The following NPAS3 variants were observed in gnomAD, a reference collection of about 807,000 sequenced individuals.
NPAS3 encodes neuronal PAS domain protein 3.
Under a neutral mutation model 73.1 loss-of-function variants are expected in NPAS3, and 14 were observed. The ratio of observed to expected loss-of-function variants is 0.19; its 90% confidence interval spans 0.13 to 0.30. The LOEUF is 0.30. Among genes scored for constraint, NPAS3 ranks in the 10% least tolerant of loss-of-function variants. The pLI is 1.00. For missense variants in NPAS3, 1,096 were observed against 1,250.0 expected (o/e 0.88, Z 1.86); for synonymous variants, 620 against 541.5 (o/e 1.14, Z -2.01).
intron 5 of NPAS3, chr14:33,560,455 G>A (rs1456810894): frequency 5.8e-6 from 2 of 346,470 alleles, no homozygotes; most frequent in Non-Finnish European, 5.2e-6. Flanking sequence ...TTAATTTATC[G>A]AGAACAAATG....
At chr14:33,746,681 G>A (rs1384467724) in intron 7 of NPAS3, among the ~76,000 whole-genome samples, 3 of 152,046 alleles carry the variant, frequency 2.0e-5, no homozygotes, top group East Asian at 3.9e-4. Flanking sequence ...AGAAATTACC[G>A]AGAATTAGAA....
At chr14:32,959,192 T>C (rs556115055) in intron 1 of NPAS3, among the ~76,000 whole-genome samples, 5 of 152,352 alleles carry the variant, frequency 3.3e-5, no homozygotes, top group African/African-American at 1.2e-4. Flanking sequence ...TTGCTTATTT[T>C]GACTGATTTT....
intron 5 of NPAS3, among the ~76,000 whole-genome samples, chr14:33,622,775 T>G (rs552774217): frequency 2.6e-5 from 4 of 152,300 alleles, no homozygotes; most frequent in Non-Finnish European, 5.9e-5. Flanking sequence ...TCCATTTTCA[T>G]AGTTGAGAGT....
At chr14:33,101,402 C>A (rs944159886) in intron 2 of NPAS3, among the ~76,000 whole-genome samples, 1 of 151,958 alleles carries the variant, frequency 6.6e-6, no homozygotes, top group Non-Finnish European at 1.5e-5. Flanking sequence ...GTTCAGATGG[C>A]AACATATGAA....
chr14:32,943,504 G>A (rs1451005074), intron 1 of NPAS3, among the ~76,000 whole-genome samples: 1 of 152,062 alleles, frequency 6.6e-6, no homozygotes, highest in Admixed American at 6.6e-5. Flanking sequence ...ATCCTGGTCT[G>A]GGATTCAGTG....
intron 4 of NPAS3, among the ~76,000 whole-genome samples, chr14:33,527,679 C>T (rs567442807): frequency 3.9e-5 from 6 of 152,090 alleles, no homozygotes; most frequent in Non-Finnish European, 7.4e-5. Flanking sequence ...AGAATGGATC[C>T]CGCAGAAATC....
chr14:33,719,467 T>C (rs1229575242), intron 6 of NPAS3, among the ~76,000 whole-genome samples: 1 of 152,214 alleles, frequency 6.6e-6, no homozygotes, highest in African/African-American at 2.4e-5. Flanking sequence ...AGTTCATATA[T>C]TCCACTGTAA....
intron 5 of NPAS3, among the ~76,000 whole-genome samples, chr14:33,610,701 G>A (rs2057722749): frequency 6.6e-6 from 1 of 152,180 alleles, no homozygotes; most frequent in African/African-American, 2.4e-5. Context: ...TCCAAATCTT[G>A]GTTTGTTTCT....
chr14:33,352,434 T>C (rs531060002), intron 3 of NPAS3, among the ~76,000 whole-genome samples: 2 of 152,326 alleles, frequency 1.3e-5, no homozygotes, highest in African/African-American at 4.8e-5. Context: ...TTCTCACTAT[T>C]TACTAGGTAT....
intron 3 of NPAS3, among the ~76,000 whole-genome samples, chr14:33,249,367 T>G (rs1259622662): frequency 6.7e-6 from 1 of 148,962 alleles, no homozygotes; most frequent in Non-Finnish European, 1.5e-5. Context: ...TTTTTTTCTT[T>G]CCTAACAGTC....
intron 1 of NPAS3, among the ~76,000 whole-genome samples, chr14:32,982,642 ACTT>A (rs749828800): frequency 1.3e-5 from 2 of 152,228 alleles, no homozygotes; most frequent in Non-Finnish European, 2.9e-5. Flanking sequence ...ACTTGAGACA[ACTT>A]CTTCCTTCTC....
intron 3 of NPAS3, among the ~76,000 whole-genome samples, chr14:33,248,737 C>A (rs1048241189): frequency 6.6e-6 from 1 of 152,162 alleles, no homozygotes; most frequent in Admixed American, 6.5e-5. Flanking sequence ...ATAGCTTTGA[C>A]CTTCTTCCTC....
intron 3 of NPAS3, among the ~76,000 whole-genome samples, chr14:33,347,094 A>G (rs540179483): frequency 1.2e-4 from 19 of 152,286 alleles, no homozygotes; most frequent in African/African-American, 4.1e-4. Context: ...CAAAATTTCA[A>G]TTCTCTTGGT....
intron 3 of NPAS3, among the ~76,000 whole-genome samples, chr14:33,269,983 A>G (rs1343642097): frequency 6.6e-6 from 1 of 152,126 alleles, no homozygotes; most frequent in Non-Finnish European, 1.5e-5. Flanking sequence ...CGGGTGCAGT[A>G]GTGAGGGAGT....
At chr14:33,591,258 C>A (rs1321688856) in intron 5 of NPAS3, among the ~76,000 whole-genome samples, 2 of 152,154 alleles carry the variant, frequency 1.3e-5, no homozygotes, top group Non-Finnish European at 2.9e-5. Context: ...CCACTCTTCT[C>A]GACTTTGCTC....
intron 3 of NPAS3, among the ~76,000 whole-genome samples, chr14:33,303,330 C>T (rs2042628395): frequency 6.6e-6 from 1 of 151,944 alleles, no homozygotes; most frequent in Non-Finnish European, 1.5e-5. Context: ...TTAGAACTTA[C>T]TCAAAATTTA....
chr14:33,510,035 G>A (rs1452106746), intron 4 of NPAS3, among the ~76,000 whole-genome samples: 1 of 151,996 alleles, frequency 6.6e-6, no homozygotes, highest in African/African-American at 2.4e-5. Flanking sequence ...CACGCCCCGG[G>A]ATAATAAAAA....
At chr14:33,684,227 GTT>G (rs5807739) in intron 6 of NPAS3, among the ~76,000 whole-genome samples, 6 of 148,360 alleles carry the variant, frequency 4.0e-5, no homozygotes, top group African/African-American at 1.2e-4. Flanking sequence ...TGTGCTGTGG[GTT>G]TTTTTTTTTT....
At chr14:33,544,810 A>ATAT (rs1237081574) in intron 4 of NPAS3, among the ~76,000 whole-genome samples, 4 of 92,108 alleles carry the variant, frequency 4.3e-5, no homozygotes, top group Non-Finnish European at 4.1e-5. Context: ...ATATATATAT[A>ATAT]TGTATATATA....
Sources: gnomAD v4.1 joint callset for allele counts (sites outside exome capture counted in the v4.1 genomes callset) on GRCh38, gnomAD v4.1.1 for gene constraint, MANE v1.5 for transcripts, NCBI Gene and HGNC (gene_info 2026-07-23, HGNC 2026-07-21) for gene names.